VCAM1: variants seen among roughly 807,000 people sequenced by gnomAD.
VCAM1 encodes vascular cell adhesion protein 1.
Under a neutral mutation model 63.8 loss-of-function variants are expected in VCAM1, and 41 were observed. The observed-to-expected ratio is 0.64, with a 90% CI of 0.50 to 0.83. The LOEUF is 0.83. Ranked by LOEUF, VCAM1 falls within the 40% of genes least tolerant of loss-of-function variation. VCAM1 has a pLI of 0.00. For synonymous variants in VCAM1, 338 were observed against 320.7 expected (o/e 1.05, Z -0.58); for missense variants, 798 against 875.5 (o/e 0.91, Z 1.12).
In VCAM1 at chr1:100,723,083, T is replaced by C. The variant is rs531442025; in HGVS notation, c.404T>C (p.Val135Ala). ...GPLEAGKPIT[V>A]KCSVADVYPF... ...CTGGAGGCTGGGAAGCCGATCACAG[T>C]CAAGTGTTCAGTTGCTGATGTATAC... Residue 135 changes from valine (V) to alanine (A), a missense_variant, in exon 3 of 9, where the codon GTC becomes GCC. By Grantham distance (64) the Val-to-Ala change is moderately conservative. Transcript: ENST00000294728. 1 of 1,612,946 alleles carries C rather than the reference T, an allele frequency of 6.2e-7. No homozygotes were observed. The highest frequency in any genetic ancestry group is 8.5e-7 in the Non-Finnish European group (1 of 1,179,394).
chr1:100,722,079 T>C (rs934547264), intron 2 of VCAM1, among the ~76,000 whole-genome samples: 3 of 152,102 alleles, frequency 2.0e-5, no homozygotes, highest in African/African-American at 7.2e-5. Context: ...CTGTCTCCTT[T>C]CCGCATTTGA....
intron 4 of VCAM1, among the ~76,000 whole-genome samples, chr1:100,725,370 C>G (rs868508393): frequency 1.3e-4 from 20 of 152,042 alleles, no homozygotes; most frequent in African/African-American, 4.3e-4. Flanking sequence ...TTTATCATCT[C>G]TCACTTGGGC....
At position 100,738,491 on chromosome 1, in the gene VCAM1, T is replaced by C; in HGVS notation, c.*208T>C. The C allele has an allele frequency of 2.2e-6, 1 of 458,482 alleles. No homozygotes were observed. Among genetic ancestry groups the C allele is most frequent in the Middle Eastern group, 5.8e-4 (1 of 1,714 alleles). 28.4% of individuals were successfully genotyped at this position (458,482 alleles called of 1,614,324 possible). On this transcript the variant is annotated 3_prime_UTR_variant, in exon 9 of 9. Coordinates refer to ENST00000294728, the MANE Select transcript of VCAM1 (RefSeq NM_001078.4). ...TGAAGAACAGTAACTGCCATCAAGA[T>C]GAGAGAACTGGAGGAGTTCCTTGAT...
At chr1:100,730,210 A>G (rs1660389994) in intron 5 of VCAM1, among the ~76,000 whole-genome samples, 1 of 152,092 alleles carries the variant, frequency 6.6e-6, no homozygotes, top group Admixed American at 6.6e-5. Context: ...TTTGTTCAGA[A>G]TGAGTTAGAG....
intron 2 of VCAM1, among the ~76,000 whole-genome samples, chr1:100,721,217 A>G (rs1379124940): frequency 1.3e-5 from 2 of 152,096 alleles, no homozygotes; most frequent in East Asian, 1.9e-4. Flanking sequence ...AGTAATATGT[A>G]TTAGTATAAA....
At chr1:100,730,483 AG>A (rs1660411433) in intron 5 of VCAM1, among the ~76,000 whole-genome samples, 1 of 152,184 alleles carries the variant, frequency 6.6e-6, no homozygotes, top group Non-Finnish European at 1.5e-5. Context: ...TGTATTATAA[AG>A]AATACAGTTA....
chr1:100,727,884 C>A (rs938747518), intron 4 of VCAM1, among the ~76,000 whole-genome samples: 5 of 151,884 alleles, frequency 3.3e-5, no homozygotes, highest in African/African-American at 1.2e-4. Context: ...ATTAGACAAA[C>A]CTATTGAGAA....
At chr1:100,729,567 A>G (rs1660355034) in intron 5 of VCAM1, among the ~76,000 whole-genome samples, 185 bp downstream of exon 5, 3 of 152,090 alleles carry the variant, frequency 2.0e-5, no homozygotes, top group Admixed American at 2.0e-4. Flanking sequence ...TCTTAAATAT[A>G]TATTACATAT....
chr1:100,720,784 C>A, intron 2 of VCAM1, 33 bp downstream of exon 2: 1 of 1,555,340 alleles, frequency 6.4e-7, no homozygotes, highest in South Asian at 1.2e-5. Context: ...GTTTTTCTCT[C>A]AATTTTACTT....
At chr1:100,732,721 T>G (rs764505329) in intron 7 of VCAM1, 37 bp downstream of exon 7, 1 of 1,507,148 alleles carries the variant, frequency 6.6e-7, no homozygotes, top group African/African-American at 1.4e-5. Context: ...TCCTTGCTAG[T>G]AATGTTTTTG....
intron 8 of VCAM1, chr1:100,737,187 A>G (rs1288200409): frequency 6.6e-6 from 1 of 152,154 alleles, no homozygotes; most frequent in Non-Finnish European, 1.5e-5. Context: ...AGAGAAAAAA[A>G]TGTTATTAGT....
chr1:100,729,008 G>C, intron 4 of VCAM1, 99 bp from the exon 5 acceptor site: 1 of 1,351,868 alleles, frequency 7.4e-7, no homozygotes. Context: ...GATATTAGCT[G>C]AAAGGAGATC....
rs907156960 is a variant in VCAM1, at chr1:100,731,256, C to T, written c.1263C>T (p.Val421=). 6.2e-6 allele frequency: 10 copies of T among 1,613,514 alleles called. No individual in the cohort carries two copies. The highest frequency in any genetic ancestry group is 1.6e-4 in the Middle Eastern group (1 of 6,078). The change falls in exon 6 of 9, where the codon GTC becomes GTT. Residue 421 remains valine, a synonymous_variant. Coordinates refer to ENST00000294728, the MANE Select transcript of VCAM1 (RefSeq NM_001078.4). The surrounding 1 kb of genome is among the most constrained non-coding windows in gnomAD (Gnocchi z 4.2). ...MSGGLVNGSS[V]TVSCKVPSVY... is the part of the protein sequence containing the mutation. ...GTGGCCTCGTGAATGGGAGCTCTGTCACTGTAAGCTGCAAGGTTCCTAGCG... is the reference window on the plus strand; with the variant it reads ...GTGGCCTCGTGAATGGGAGCTCTGTTACTGTAAGCTGCAAGGTTCCTAGCG...
Position 100,734,655 on chromosome 1 carries a change from T to C in VCAM1, c.1946T>C (p.Ile649Thr), listed in dbSNP as rs1660585480. 1.9e-6 allele frequency: 3 copies of C among 1,613,986 alleles called. No individual in the cohort carries two copies. Among genetic ancestry groups the C allele is most frequent in the Non-Finnish European group, 2.5e-6 (3 of 1,179,922 alleles). The change falls in exon 8 of 9, where the codon ATA (isoleucine) becomes ACA (threonine). Residue 649 changes from isoleucine to threonine, a missense_variant. Physicochemically the swap from Ile to Thr is moderately conservative, Grantham distance 89. Transcript: ENST00000294728. The part of the protein sequence containing the change: ...AETGDTVLKS[I>T]DGAYTIRKAQ... Reference sequence around the variant, plus strand: ...ACAGGAGACACAGTACTAAAATCTATAGATGGCGCCTATACCATCCGAAAG... The same window carrying C: ...ACAGGAGACACAGTACTAAAATCTACAGATGGCGCCTATACCATCCGAAAG...
At position 100,723,224 on chromosome 1, in the gene VCAM1, T is replaced by C. The variant is rs1220970595; in HGVS notation, c.545T>C (p.Phe182Ser). 6.2e-7 allele frequency: 1 copy of C among 1,613,024 alleles called. No individual in the cohort carries two copies. Among genetic ancestry groups the C allele is most frequent in the African/African-American group, 1.3e-5 (1 of 74,844 alleles). Residue 182 changes from phenylalanine to serine, a missense_variant, in exon 3 of 9, where the codon TTT (phenylalanine) becomes TCT (serine). Physicochemically the swap from Phe to Ser is radical, Grantham distance 155. Transcript: ENST00000294728. ...SLETKSLEVT[F>S]TPVIEDIGKV... ...GAAACCAAGAGTTTGGAAGTAACCT[T>C]TACTCCTGTCATTGAGGATATTGGA...
At position 100,734,680 on chromosome 1, in the gene VCAM1, G is replaced by T. The variant is rs964195951; in HGVS notation, c.1971G>T (p.Lys657Asn). 7 of 1,613,976 alleles carry T rather than the reference G, an allele frequency of 4.3e-6. No individual in the cohort carries two copies. Among genetic ancestry groups the T allele is most frequent in the East Asian group, 4.5e-5 (2 of 44,854 alleles). Residue 657 changes from lysine to asparagine, a missense_variant, in exon 8 of 9, where the codon AAG (lysine) becomes AAT (asparagine). Coordinates refer to ENST00000294728, the MANE Select transcript of VCAM1 (RefSeq NM_001078.4). ...TAGATGGCGCCTATACCATCCGAAA[G>T]GCCCAGTTGAAGGATGCGGGAGTAT... is the stretch of plus-strand genomic sequence containing the variant. ...KSIDGAYTIR[K>N]AQLKDAGVYE...
chr1:100,719,773 G>T lies in VCAM1; in HGVS notation c.-88G>T. On this transcript the variant is annotated 5_prime_UTR_variant, in exon 1 of 9. The change creates a new upstream start codon in the 5' untranslated region. Coordinates refer to ENST00000294728, the MANE Select transcript of VCAM1 (RefSeq NM_001078.4). The stretch of plus-strand genomic sequence containing the variant: ...TCTGCATCGGGCCTCACTGGCTTCA[G>T]GAGCTGAATACCCTCCCAGGCACAC... 7.2e-7 allele frequency: 1 copy of T among 1,388,300 alleles called. No individual in the cohort carries two copies. Among genetic ancestry groups the T allele is most frequent in the Non-Finnish European group, 1.0e-6 (1 of 1,004,604 alleles). 86.0% of individuals were successfully genotyped at this position (1,388,300 alleles called of 1,614,324 possible). A position where few individuals can be genotyped will look rare whatever the true frequency, so the allele number is the denominator to read the frequency against.
At position 100,724,615 on chromosome 1, in the gene VCAM1, C is replaced by T. The variant is rs759306577; in HGVS notation, c.662-9C>T. 2.5e-6 allele frequency: 4 copies of T among 1,605,152 alleles called. No homozygotes were observed. In the African/African-American group the frequency reaches 5.4e-5, roughly 22 times the overall value. On this transcript the variant is annotated splice_polypyrimidine_tract_variant and intron_variant, in intron 3 of 8. Coordinates refer to ENST00000294728, the MANE Select transcript of VCAM1 (RefSeq NM_001078.4). Reference sequence around the variant, plus strand: ...TAGCAATTGCTAATATTATTTTTTGCCCTTTCAGTATCACCCAAGAATACA... The same window carrying T: ...TAGCAATTGCTAATATTATTTTTTGTCCTTTCAGTATCACCCAAGAATACA...
At chr1:100,729,427 T>A (rs748724505) in intron 5 of VCAM1, 45 bp downstream of exon 5, 8 of 1,493,676 alleles carry the variant, frequency 5.4e-6, no homozygotes, top group Non-Finnish European at 7.1e-6. Context: ...TTTTCAGTTC[T>A]ATTGGAAGAA....
Sources: gnomAD v4.1 joint callset for allele counts (sites outside exome capture counted in the v4.1 genomes callset) on GRCh38, gnomAD v4.1.1 for gene constraint, Gnocchi (gnomAD v3.1) non-coding constraint, MANE v1.5 for transcripts, NCBI Gene and HGNC (gene_info 2026-07-23, HGNC 2026-07-21) for gene names.